NTM: variants seen among roughly 807,000 people sequenced by gnomAD.
NTM encodes neurotrimin.
NTM carries 13 observed loss-of-function variants against 42.1 expected under a neutral mutation model. The observed-to-expected ratio is 0.31, with a 90% confidence interval of 0.20 to 0.49. NTM has a LOEUF of 0.49. NTM is among the 20% of genes least tolerant of loss of function. The probability of loss-of-function intolerance (pLI) is 0.99; values close to 1 mark genes in which losing one functional copy is unlikely to be tolerated. For synonymous variants in NTM, 187 were observed against 179.2 expected (o/e 1.04, Z -0.35); for missense variants, 373 against 452.8 (o/e 0.82, Z 1.60).
At chr11:132,072,517 G>A (rs1160681248) in intron 2 of NTM, among the ~76,000 whole-genome samples, 1 of 152,198 alleles carries the variant, frequency 6.6e-6, no homozygotes, top group Non-Finnish European at 1.5e-5. Context: ...TCTGATAGTT[G>A]TGAACCATGG....
intron 1 of NTM, among the ~76,000 whole-genome samples, chr11:131,484,734 A>G (rs1212643837): frequency 6.6e-6 from 1 of 152,036 alleles, no homozygotes; most frequent in Non-Finnish European, 1.5e-5. Context: ...AGTCCTAAAG[A>G]CATTTTTTTG....
At chr11:131,622,641 C>T (rs575568859) in intron 1 of NTM, among the ~76,000 whole-genome samples, 28 of 152,300 alleles carry the variant, frequency 1.8e-4, no homozygotes, top group Middle Eastern at 3.4e-3. Flanking sequence ...TAAGAAAGCA[C>T]TGAAGTCAAA....
At position 132,135,207 on chromosome 11, in the gene NTM, G is replaced by A. The variant is rs149432852; in HGVS notation, c.168-11075G>A. ...GGGCCCCCACTCCCGGCTTCTGGCT[G>A]CAGGCTCTACCTTGCCCCGTGTCCT... On this transcript the variant is annotated intron_variant, in intron 2 of 8. Coordinates refer to ENST00000683400, the MANE Select transcript of NTM (RefSeq NM_001352005.2). Among the ~76,000 whole-genome samples the A allele has an allele frequency of 1.2e-3, 184 of 152,276 alleles. 2 individuals carry two copies. Among genetic ancestry groups the A allele is most frequent in the East Asian group, 5.1e-3 (26 of 5,126 alleles).
chr11:132,214,755 T>A (rs1317941791), intron 4 of NTM, among the ~76,000 whole-genome samples: 1 of 152,164 alleles, frequency 6.6e-6, no homozygotes, highest in African/African-American at 2.4e-5. Context: ...TGCCTGAGCC[T>A]GGGCCAGGTG....
At chr11:131,430,748 C>G (rs546991349) in intron 1 of NTM, among the ~76,000 whole-genome samples, 34 of 152,358 alleles carry the variant, frequency 2.2e-4, no homozygotes, top group African/African-American at 7.7e-4. Context: ...CTCTGCCCCC[C>G]ACCATGGGCC....
intron 1 of NTM, among the ~76,000 whole-genome samples, chr11:131,635,843 T>A (rs1048251299): frequency 1.2e-4 from 18 of 152,202 alleles, no homozygotes; most frequent in Non-Finnish European, 2.5e-4. Context: ...ACAGGGGCAC[T>A]AGTTTTTCTT....
chr11:131,522,677 C>T (rs111613959), intron 1 of NTM, among the ~76,000 whole-genome samples: 2,226 of 152,276 alleles, frequency 0.015, 58 homozygotes, highest in African/African-American at 0.048. Context: ...GACAGAAAAG[C>T]TGCAAAGAGA....
intron 1 of NTM, among the ~76,000 whole-genome samples, chr11:131,675,883 C>T (rs1215463564): frequency 1.3e-5 from 2 of 152,196 alleles, no homozygotes; most frequent in African/African-American, 4.8e-5. Context: ...GAGAAAAGCC[C>T]AGACGTCTGC....
chr11:131,946,531 C>T (rs1158585196), intron 2 of NTM, among the ~76,000 whole-genome samples: 1 of 152,152 alleles, frequency 6.6e-6, no homozygotes, highest in East Asian at 1.9e-4. Context: ...TTGCTAAAAG[C>T]TAGAGTTCAG....
At chr11:132,079,407 C>T (rs540511893) in intron 2 of NTM, among the ~76,000 whole-genome samples, 5 of 152,198 alleles carry the variant, frequency 3.3e-5, no homozygotes, top group South Asian at 2.1e-4. Flanking sequence ...CTCTAGCGCC[C>T]GAAGAAAGTT....
At chr11:132,048,474 A>G (rs137996610) in intron 2 of NTM, among the ~76,000 whole-genome samples, 1 of 152,310 alleles carries the variant, frequency 6.6e-6, no homozygotes, top group African/African-American at 2.4e-5. Flanking sequence ...CAGCCACTGA[A>G]GCTTTTCTTG....
At chr11:131,608,168 T>C (rs1413065076) in intron 1 of NTM, among the ~76,000 whole-genome samples, 1 of 152,226 alleles carries the variant, frequency 6.6e-6, no homozygotes, top group Non-Finnish European at 1.5e-5. Flanking sequence ...ATCCTTGCGA[T>C]AGTTTGCTGA....
intron 2 of NTM, among the ~76,000 whole-genome samples, chr11:131,949,514 T>G (rs745812830): frequency 6.6e-6 from 1 of 152,188 alleles, no homozygotes; most frequent in South Asian, 2.1e-4. Flanking sequence ...GCAATCTCAG[T>G]TGAGTTTTAG....
intron 2 of NTM, among the ~76,000 whole-genome samples, chr11:132,131,838 G>T (rs978975194): frequency 6.6e-6 from 1 of 152,116 alleles, no homozygotes; most frequent in African/African-American, 2.4e-5. Flanking sequence ...GAGGCCCCCC[G>T]CTCCCACTGC....
intron 1 of NTM, among the ~76,000 whole-genome samples, chr11:131,747,368 T>C (rs1384292138): frequency 6.6e-6 from 1 of 152,210 alleles, no homozygotes; most frequent in Non-Finnish European, 1.5e-5. Flanking sequence ...CTCTTCCAGT[T>C]GCTAGCACAC....
chr11:132,144,670 C>G (rs2069949694), intron 2 of NTM, among the ~76,000 whole-genome samples: 1 of 152,166 alleles, frequency 6.6e-6, no homozygotes, highest in Admixed American at 6.5e-5. Flanking sequence ...TCCTGTGATT[C>G]TAATATAAGT....
chr11:131,998,554 T>TA (rs2068553839), intron 2 of NTM, among the ~76,000 whole-genome samples: 1 of 152,188 alleles, frequency 6.6e-6, no homozygotes, highest in African/African-American at 2.4e-5. Flanking sequence ...GACTTTTTTT[T>TA]AAATTTCCAA....
At chr11:131,733,509 T>TCCTTCCTTCCTA (rs2079990051) in intron 1 of NTM, among the ~76,000 whole-genome samples, 1 of 149,386 alleles carries the variant, frequency 6.7e-6, no homozygotes, top group African/African-American at 2.5e-5. Context: ...CTTCCTTCCT[T>TCCTTCCTTCCTA]CCTTCCTTCC....
chr11:131,604,855 A>G (rs1163451183), intron 1 of NTM, among the ~76,000 whole-genome samples: 1 of 150,634 alleles, frequency 6.6e-6, no homozygotes, highest in Non-Finnish European at 1.5e-5. Context: ...TCAAAAATCA[A>G]TTGATCATAT....
Sources: gnomAD v4.1 joint callset for allele counts (sites outside exome capture counted in the v4.1 genomes callset) on GRCh38, gnomAD v4.1.1 for gene constraint, MANE v1.5 for transcripts, NCBI Gene and HGNC (gene_info 2026-07-23, HGNC 2026-07-21) for gene names.